ANXA2: variants seen among roughly 807,000 people sequenced by gnomAD.
The protein encoded by ANXA2 is annexin II.
Under a neutral mutation model 47.3 loss-of-function variants are expected in ANXA2, and 28 were observed. The ratio of observed to expected loss-of-function variants is 0.59; its 90% CI spans 0.44 to 0.81. The LOEUF (loss-of-function observed/expected upper bound fraction) is 0.81. Ranked by LOEUF, ANXA2 falls within the 40% of genes least tolerant of loss-of-function variation. The probability of loss-of-function intolerance (pLI) is 0.00; values close to 1 mark genes in which losing one functional copy is unlikely to be tolerated. For synonymous variants in ANXA2, 172 were observed against 155.5 expected (o/e 1.11, Z -0.79); for missense variants, 384 against 414.3 (o/e 0.93, Z 0.64).
chr15:60,397,883 C>G, intron 1 of ANXA2, 60 bp downstream of exon 1: 1 of 1,376,078 alleles, frequency 7.3e-7, no homozygotes, highest in Non-Finnish European at 9.4e-7. Flanking sequence ...TTCTTCCCAG[C>G]GTCTCCACAC....
At chr15:60,350,130 AG>A in intron 11 of ANXA2, among the ~76,000 whole-genome samples, 1 of 43,186 alleles carries the variant, frequency 2.3e-5, no homozygotes, top group Non-Finnish European at 4.5e-5. Context: ...AGGGGAAGGC[AG>A]GGAGGGAGGG....
chr15:60,390,499 T>G (rs2062994761), intron 1 of ANXA2: 1 of 503,364 alleles, frequency 2.0e-6, no homozygotes, highest in Non-Finnish European at 3.9e-6. Context: ...AGAAGCAGAG[T>G]GACTATGGTG....
intron 3 of ANXA2, among the ~76,000 whole-genome samples, chr15:60,374,153 G>A (rs911341184): frequency 6.6e-6 from 1 of 152,224 alleles, no homozygotes; most frequent in African/African-American, 2.4e-5. Flanking sequence ...TCTCACTTCA[G>A]CTGAGTTCCT....
At chr15:60,376,980 C>A (rs1022462749) in intron 3 of ANXA2, among the ~76,000 whole-genome samples, 1 of 152,226 alleles carries the variant, frequency 6.6e-6, no homozygotes, top group East Asian at 1.9e-4. Context: ...ACACGGCTAC[C>A]CCCGTCTAGG....
chr15:60,367,976 C>CT (rs1407840537), intron 3 of ANXA2, among the ~76,000 whole-genome samples: 1 of 111,926 alleles, frequency 8.9e-6, no homozygotes, highest in African/African-American at 3.7e-5. Context: ...AAGAAAAATT[C>CT]TTCTGCCTTG....
intron 4 of ANXA2, among the ~76,000 whole-genome samples, chr15:60,362,104 T>C (rs2062523277): frequency 6.6e-6 from 1 of 152,078 alleles, no homozygotes; most frequent in Non-Finnish European, 1.5e-5. Flanking sequence ...CACCTGGCTT[T>C]CACCACCCAT....
At chr15:60,387,276 C>G (rs898518839) in intron 1 of ANXA2, among the ~76,000 whole-genome samples, 10 of 152,182 alleles carry the variant, frequency 6.6e-5, no homozygotes, top group African/African-American at 2.4e-4. Flanking sequence ...CTTCTTGATG[C>G]TCACAGAAGC....
chr15:60,393,073 T>C (rs777031725), intron 1 of ANXA2: 239 of 1,287,692 alleles, frequency 1.9e-4, no homozygotes, highest in Non-Finnish European at 2.3e-4. Context: ...CTTGGTTTTA[T>C]GGTCTTGATT....
chr15:60,349,423 T>G (rs1440736061), intron 11 of ANXA2, among the ~76,000 whole-genome samples: 1 of 152,214 alleles, frequency 6.6e-6, no homozygotes, highest in Non-Finnish European at 1.5e-5. Context: ...AAATTACCTT[T>G]AGGCTATGTG....
intron 2 of ANXA2, chr15:60,382,650 T>C (rs2062878938): frequency 4.9e-6 from 2 of 408,050 alleles, no homozygotes; most frequent in Admixed American, 3.7e-5. Flanking sequence ...TCAGCTAGTT[T>C]AGAATATGCT....
Position 60,364,310 on chromosome 15 carries a change from A to G in ANXA2, c.243+119T>C. The G allele has an allele frequency of 3.9e-6, 3 of 778,616 alleles. No homozygotes were observed. The South Asian group carries it at 4.7e-5, about 12-fold the overall frequency. The allele number at this position is 778,616 out of a possible 1,614,324, so 48.2% of individuals were successfully genotyped here. A position where few individuals can be genotyped will look rare whatever the true frequency, so the allele number is the denominator to read the frequency against. On this transcript the variant is annotated intron_variant, in intron 4 of 12. Transcript: ENST00000451270. Reference sequence around the variant, plus strand: ...AGGATTTAAGAAGAAAATCTTAGATATCCAAGGGTCCCACAAGTCTTTTGC... The same window carrying G: ...AGGATTTAAGAAGAAAATCTTAGATGTCCAAGGGTCCCACAAGTCTTTTGC...
Position 60,354,204 on chromosome 15 carries a change from C to T in ANXA2, c.538G>A (p.Ala180Thr). ...TAATCAATGACAGAGCCATCCTCTG[C>T]TCTTCTACCCTATGGGGGAAAGAAA... ...LMVALAKGRR[A>T]EDGSVIDYEL... The change falls in exon 8 of 13, where the codon GCA (alanine) becomes ACA (threonine). Residue 180 changes from alanine (A) to threonine (T), a missense_variant. Coordinates refer to ENST00000451270, the MANE Select transcript of ANXA2 (RefSeq NM_004039.3). 1.2e-6 allele frequency: 2 copies of T among 1,613,218 alleles called. No homozygotes were observed. Among genetic ancestry groups the T allele is most frequent in the Non-Finnish European group, 1.7e-6 (2 of 1,179,402 alleles).
rs73418010 is a variant in ANXA2 at position 60,369,039 on chromosome 15, G to A, written c.149-4516C>T. ...CTCAGAGGGACTGCAGCCCATCCCT[G>A]TATGTGTTATGTGTGTAAACATTTG... On this transcript the variant is annotated intron_variant, in intron 3 of 12. Transcript: ENST00000451270. Among the ~76,000 whole-genome samples the A allele has an allele frequency of 2.6e-3, 389 of 152,296 alleles. 2 individuals are homozygous for A. Among genetic ancestry groups the A allele is most frequent in the African/African-American group, 9.1e-3 (380 of 41,544 alleles).
intron 3 of ANXA2, among the ~76,000 whole-genome samples, chr15:60,368,162 A>T (rs972117442): frequency 4.1e-5 from 6 of 146,802 alleles, no homozygotes; most frequent in African/African-American, 1.5e-4. Flanking sequence ...GTACCCAGGG[A>T]CACAAACACT....
chr15:60,388,073 A>G (rs2062957377), intron 1 of ANXA2, among the ~76,000 whole-genome samples: 2 of 152,072 alleles, frequency 1.3e-5, no homozygotes, highest in African/African-American at 4.8e-5. Flanking sequence ...CTGTAATCCC[A>G]ACTACTCGGG....
chr15:60,393,407 C>G, intron 1 of ANXA2: 1 of 1,011,134 alleles, frequency 9.9e-7, no homozygotes, highest in Non-Finnish European at 1.2e-6. Flanking sequence ...TGTTTTATGG[C>G]CCACATATTG....
chr15:60,386,291 A>T (rs941878665), intron 1 of ANXA2: 2 of 542,992 alleles, frequency 3.7e-6, no homozygotes, highest in African/African-American at 3.8e-5. Flanking sequence ...ATGGACTACT[A>T]AACTAGCCAG....
intron 2 of ANXA2, chr15:60,384,905 A>G (rs2062911852): frequency 6.6e-6 from 1 of 152,236 alleles, no homozygotes; most frequent in Admixed American, 6.5e-5. Flanking sequence ...ATGGCTACAA[A>G]CCAGTATCAG....
chr15:60,349,728 C>CAGAG lies in ANXA2; in HGVS notation c.838-535_838-532dup, dbSNP rs370137354. On this transcript the variant is annotated intron_variant, in intron 11 of 12. Transcript: ENST00000451270. ...AAAGACAGAGAGAGAGAGGGAAAGA[C>CAGAG]AGAGAGAGAGAGAGAAAGAAAGAGA... Among the ~76,000 whole-genome samples, 13 of 121,746 alleles carry CAGAG rather than the reference C, an allele frequency of 1.1e-4. No individual in the cohort carries two copies. In the East Asian group the frequency reaches 1.4e-3, roughly 13 times the overall value. The allele number at this position is 121,746 out of a possible 152,430, so 79.9% of individuals were successfully genotyped here.
Sources: gnomAD v4.1 joint callset for allele counts (sites outside exome capture counted in the v4.1 genomes callset) on GRCh38, gnomAD v4.1.1 for gene constraint, MANE v1.5 for transcripts, NCBI Gene and HGNC (gene_info 2026-07-23, HGNC 2026-07-21) for gene names.